Variants in NXPH1 observed in about 807,000 individuals in gnomAD.
The protein encoded by NXPH1 is neurexophilin-1.
NXPH1 carries 5 observed loss-of-function variants against 23.7 expected under a neutral mutation model. The observed-to-expected ratio is 0.21, with a 90% confidence interval of 0.11 to 0.44. NXPH1 has a LOEUF of 0.44. Ranked by LOEUF, NXPH1 falls within the 20% of genes least tolerant of loss-of-function variation. The pLI is 0.99. For missense variants in NXPH1, 324 were observed against 321.6 expected (o/e 1.01, Z -0.06); for synonymous variants, 144 against 122.2 (o/e 1.18, Z -1.18).
chr7:8,600,128 G>A (rs1000640771), intron 2 of NXPH1, among the ~76,000 whole-genome samples: 1 of 152,136 alleles, frequency 6.6e-6, no homozygotes, highest in African/African-American at 2.4e-5. Context: ...GTTTGATTCA[G>A]TAAATAAATA....
At chr7:8,719,473 C>G (rs1779930890) in intron 2 of NXPH1, among the ~76,000 whole-genome samples, 1 of 152,114 alleles carries the variant, frequency 6.6e-6, no homozygotes, top group Non-Finnish European at 1.5e-5. Context: ...TATTTTTCCT[C>G]CATATGTCAT....
intron 2 of NXPH1, among the ~76,000 whole-genome samples, chr7:8,639,263 GAA>G (rs1210249485): frequency 1.3e-5 from 2 of 151,420 alleles, no homozygotes; most frequent in Non-Finnish European, 2.9e-5. Flanking sequence ...TTTTAATTTG[GAA>G]AAAAAATAGT....
chr7:8,710,640 G>GGTTTTTTTTTTTTTTTTT lies in NXPH1; in HGVS notation c.55-40368_55-40367insGTTTTTTTTTTTTTTTTT, dbSNP rs1376868557. Among the ~76,000 whole-genome samples, 12 of 27,672 alleles carry GGTTTTTTTTTTTTTTTTT rather than the reference G, an allele frequency of 4.3e-4. 5 individuals carry two copies. The highest frequency in any genetic ancestry group is 4.3e-4 in the Non-Finnish European group (7 of 16,372). The allele number at this position is 27,672 out of a possible 152,430, so 18.2% of individuals were successfully genotyped here. A position where few individuals can be genotyped will look rare whatever the true frequency, so the allele number is the denominator to read the frequency against. On this transcript the variant is annotated intron_variant, in intron 2 of 2. Transcript: ENST00000405863. ...TTGAACAAAGCATGTCAACTGTTAC[G>GGTTTTTTTTTTTTTTTTT]TTTTTTGTTTTTTTTTTTTTTTTTT... is the stretch of plus-strand genomic sequence containing the variant.
At chr7:8,672,673 A>G (rs1820889824) in intron 2 of NXPH1, among the ~76,000 whole-genome samples, 1 of 152,192 alleles carries the variant, frequency 6.6e-6, no homozygotes, top group Non-Finnish European at 1.5e-5. Flanking sequence ...AAGTGAGAAT[A>G]GAAGTCAGGG....
chr7:8,487,456 G>T (rs531871434), intron 2 of NXPH1, among the ~76,000 whole-genome samples: 1 of 152,212 alleles, frequency 6.6e-6, no homozygotes, highest in South Asian at 2.1e-4. Context: ...CTCCAGTGAT[G>T]TGGAACTGTG....
At chr7:8,522,928 A>T (rs2040768) in intron 2 of NXPH1, among the ~76,000 whole-genome samples, 113,669 of 152,202 alleles carry the variant, frequency 0.75, 43,504 homozygotes, top group African/African-American at 0.92. Context: ...AGCATTGGCT[A>T]TGGAGACAGA....
At chr7:8,618,036 A>T in intron 2 of NXPH1, among the ~76,000 whole-genome samples, 1 of 152,138 alleles carries the variant, frequency 6.6e-6, no homozygotes, top group Non-Finnish European at 1.5e-5. Context: ...TTTAAAAGTA[A>T]ATTAAAAAAA....
chr7:8,615,584 A>G (rs1248073531), intron 2 of NXPH1, among the ~76,000 whole-genome samples: 1 of 152,054 alleles, frequency 6.6e-6, no homozygotes, highest in Non-Finnish European at 1.5e-5. Context: ...TTTTGGAACA[A>G]TTATATCAGA....
chr7:8,514,583 T>G (rs1366437229), intron 2 of NXPH1, among the ~76,000 whole-genome samples: 1 of 152,168 alleles, frequency 6.6e-6, no homozygotes, highest in Admixed American at 6.5e-5. Flanking sequence ...ATGTGCTGTG[T>G]GTGTCATGAT....
intron 2 of NXPH1, among the ~76,000 whole-genome samples, chr7:8,599,581 A>AT (rs1187469047): frequency 7.9e-5 from 12 of 152,084 alleles, no homozygotes; most frequent in African/African-American, 2.7e-4. Flanking sequence ...TCAGGCATGG[A>AT]TTTTCACCCG....
chr7:8,746,427 A>G (rs886505), intron 2 of NXPH1, among the ~76,000 whole-genome samples: 81,992 of 152,010 alleles, frequency 0.54, 22,593 homozygotes, highest in East Asian at 0.86. Context: ...AGCCTTTCCC[A>G]TTATATCACT....
At chr7:8,588,060 G>T (rs565847522) in intron 2 of NXPH1, among the ~76,000 whole-genome samples, 1 of 152,126 alleles carries the variant, frequency 6.6e-6, no homozygotes, top group African/African-American at 2.4e-5. Context: ...ACCATCTCAC[G>T]CTAGTTAGAA....
At chr7:8,497,159 G>C (rs1175928118) in intron 2 of NXPH1, among the ~76,000 whole-genome samples, 1 of 152,076 alleles carries the variant, frequency 6.6e-6, no homozygotes, top group Admixed American at 6.6e-5. Context: ...ATGGTTTCCA[G>C]CTTCATCCAT....
rs147415677 is a variant in NXPH1 at position 8,739,001 on chromosome 7, G to C, written c.55-12007G>C. 8.0e-4 allele frequency among the ~76,000 whole-genome samples: 121 copies of C among 151,926 alleles called. No individual in the cohort carries two copies. In the East Asian group the frequency reaches 0.022, roughly 27 times the overall value. ...CCACCAAGCTCAAGCATCCCAGGTC[G>C]ACTTCAGACTGCTGTGCTGGCAGCA... On this transcript the variant is annotated intron_variant, in intron 2 of 2. Transcript: ENST00000405863.
rs577966041 is a variant in NXPH1, at chr7:8,678,988, A to G, written c.55-72020A>G. Among the ~76,000 whole-genome samples, 13 of 107,374 alleles carry G rather than the reference A, an allele frequency of 1.2e-4. 2 individuals are homozygous for G. Among genetic ancestry groups the G allele is most frequent in the African/African-American group, 4.2e-4 (11 of 26,184 alleles). The allele number at this position is 107,374 out of a possible 152,430, so 70.4% of individuals were successfully genotyped here. On this transcript the variant is annotated intron_variant, in intron 2 of 2. Transcript: ENST00000405863. ...TGTTGAGACGGAGTCTCGCTCTGTC[A>G]CCCAGGCTGAGTGCAGTGGCACGAT...
intron 2 of NXPH1, among the ~76,000 whole-genome samples, chr7:8,443,159 C>A (rs986730730): frequency 1.3e-5 from 2 of 152,246 alleles, no homozygotes; most frequent in African/African-American, 4.8e-5. Context: ...ATTCGGGGGG[C>A]AGCTAGCTCC....
chr7:8,528,425 C>T (rs547009384), intron 2 of NXPH1, among the ~76,000 whole-genome samples: 6 of 152,304 alleles, frequency 3.9e-5, no homozygotes, highest in South Asian at 2.1e-4. Context: ...TTTGTTTTTC[C>T]GACAGATTGC....
intron 2 of NXPH1, among the ~76,000 whole-genome samples, chr7:8,620,015 G>A (rs906617163): frequency 6.6e-6 from 1 of 152,046 alleles, no homozygotes; most frequent in East Asian, 1.9e-4. Context: ...TTCCATCCAC[G>A]TACTGCTGTG....
At position 8,652,908 on chromosome 7, in the gene NXPH1, C is replaced by T. The variant is rs112377056; in HGVS notation, c.55-98100C>T. Among the ~76,000 whole-genome samples, 355 of 152,152 alleles carry T rather than the reference C, an allele frequency of 2.3e-3. 3 individuals are homozygous for T. Among genetic ancestry groups the T allele is most frequent in the African/African-American group, 7.9e-3 (330 of 41,532 alleles). The stretch of plus-strand genomic sequence containing the variant: ...AATTTTTAAGAACAAGTACAATATT[C>T]TTTAAGAGACTTCTTTCTGCTTTGA... On this transcript the variant is annotated intron_variant, in intron 2 of 2. Transcript: ENST00000405863.
Sources: gnomAD v4.1 joint callset for allele counts (sites outside exome capture counted in the v4.1 genomes callset) on GRCh38, gnomAD v4.1.1 for gene constraint, MANE v1.5 for transcripts, NCBI Gene and HGNC (gene_info 2026-07-23, HGNC 2026-07-21) for gene names.